SLC44A1: variants seen among roughly 807,000 people sequenced by gnomAD.
SLC44A1 encodes choline transporter-like protein 1.
SLC44A1 carries 26 observed loss-of-function variants against 79.3 expected under a neutral mutation model. That is an observed-to-expected ratio of 0.33 (90% CI 0.24 to 0.46). The LOEUF is 0.46. Ranked by LOEUF, SLC44A1 falls within the 20% of genes least tolerant of loss-of-function variation. The pLI is 1.00. For synonymous variants in SLC44A1, 263 were observed against 286.2 expected (o/e 0.92, Z 0.82); for missense variants, 688 against 798.1 (o/e 0.86, Z 1.66).
intron 5 of SLC44A1, among the ~76,000 whole-genome samples, chr9:105,351,550 A>AAGAAAGAAAGAAAGAG (rs1554797110): frequency 2.0e-5 from 2 of 100,250 alleles, no homozygotes; most frequent in Non-Finnish European, 3.9e-5. Context: ...GAAAGAAAGA[A>AAGAAAGAAAGAAAGAG]AGAAAGAGAG....
intron 2 of SLC44A1, among the ~76,000 whole-genome samples, chr9:105,307,793 T>A (rs1189751814): frequency 6.6e-6 from 1 of 152,244 alleles, no homozygotes; most frequent in Non-Finnish European, 1.5e-5. Context: ...CATGTAAATA[T>A]GCAAATATGT....
intron 12 of SLC44A1, among the ~76,000 whole-genome samples, chr9:105,371,624 C>G (rs1564464238): frequency 6.8e-6 from 1 of 146,928 alleles, no homozygotes; most frequent in East Asian, 2.0e-4. Context: ...GAGGCTGAGG[C>G]AGGAGAATGG....
intron 1 of SLC44A1, among the ~76,000 whole-genome samples, chr9:105,259,631 T>C (rs1454018448): frequency 2.0e-5 from 3 of 152,220 alleles, no homozygotes; most frequent in African/African-American, 7.2e-5. Flanking sequence ...ATTTTGCATG[T>C]GGTTTTGTAT....
rs1033057107 is a variant in SLC44A1, at chr9:105,389,760, C to T, written c.*704C>T. On this transcript the variant is annotated 3_prime_UTR_variant, in exon 16 of 16. Coordinates refer to ENST00000374720, the MANE Select transcript of SLC44A1 (RefSeq NM_080546.5). The stretch of plus-strand genomic sequence containing the variant: ...AAAAAGAAAAGGGTAGATAATCTTT[C>T]GTATGCAAACTTTTCCCTTATATTT... The T allele has an allele frequency of 3.1e-6, 4 of 1,302,374 alleles. No homozygotes were observed. Among genetic ancestry groups the T allele is most frequent in the Non-Finnish European group, 3.9e-6 (4 of 1,020,116 alleles). The allele number at this position is 1,302,374 out of a possible 1,614,324, so 80.7% of individuals were successfully genotyped here.
At chr9:105,341,941 G>A (rs1827105357) in intron 4 of SLC44A1, among the ~76,000 whole-genome samples, 1 of 151,904 alleles carries the variant, frequency 6.6e-6, no homozygotes, top group Non-Finnish European at 1.5e-5. Context: ...CCTCTTGTTT[G>A]TACTCTTTCC....
intron 1 of SLC44A1, among the ~76,000 whole-genome samples, chr9:105,278,108 C>T (rs1264217865): frequency 6.6e-6 from 1 of 151,916 alleles, no homozygotes; most frequent in Non-Finnish European, 1.5e-5. Context: ...GTCACCCAGA[C>T]TGGAGTGCAG....
rs188996837 is a variant in SLC44A1 at position 105,288,631 on chromosome 9, G to A, written c.37-10589G>A. On this transcript the variant is annotated intron_variant, in intron 1 of 15. Coordinates refer to ENST00000374720, the MANE Select transcript of SLC44A1 (RefSeq NM_080546.5). ...CTCAAAGTGCTAGGACTACAGGCAT[G>A]AGCCACCATGCCTGGTCCTATTTTA... Among the ~76,000 whole-genome samples the A allele has an allele frequency of 1.1e-3, 173 of 152,342 alleles. 1 individual carries two copies. Among genetic ancestry groups the A allele is most frequent in the South Asian group, 2.3e-3 (11 of 4,828 alleles).
At chr9:105,247,571 A>G (rs1267087133) in intron 1 of SLC44A1, among the ~76,000 whole-genome samples, 1 of 152,210 alleles carries the variant, frequency 6.6e-6, no homozygotes, top group Non-Finnish European at 1.5e-5. Flanking sequence ...TGCTGGTATT[A>G]CAGACATGAG....
chr9:105,420,934 C>A (rs1207438832), intron 15 of SLC44A1, among the ~76,000 whole-genome samples: 1 of 146,402 alleles, frequency 6.8e-6, no homozygotes, highest in African/African-American at 2.5e-5. Context: ...TGATGTCCTA[C>A]TGAGTTAAGC....
chr9:105,387,346 A>C (rs369191294), intron 15 of SLC44A1, among the ~76,000 whole-genome samples: 8 of 152,226 alleles, frequency 5.3e-5, no homozygotes, highest in African/African-American at 1.9e-4. Context: ...ATAGCTCTGA[A>C]TTTTAAGTTT....
At chr9:105,401,571 AGGAGT>A (rs1402539036), downstream of SLC44A1, among the ~76,000 whole-genome samples, 1 of 152,148 alleles carries the variant, frequency 6.6e-6, no homozygotes, top group Non-Finnish European at 1.5e-5. Context: ...GGTCAGGAGG[AGGAGT>A]GGAGAGGATC....
At chr9:105,289,162 C>A (rs562549476) in intron 1 of SLC44A1, among the ~76,000 whole-genome samples, 27 of 152,268 alleles carry the variant, frequency 1.8e-4, no homozygotes, top group Non-Finnish European at 3.1e-4. Flanking sequence ...TGGTAAGAGA[C>A]CTAGCCTGGT....
At chr9:105,284,081 G>A (rs543568354) in intron 1 of SLC44A1, among the ~76,000 whole-genome samples, 12 of 152,252 alleles carry the variant, frequency 7.9e-5, no homozygotes, top group Admixed American at 5.9e-4. Context: ...AACACAGTTT[G>A]GAAGGACAGT....
intron 15 of SLC44A1, among the ~76,000 whole-genome samples, chr9:105,434,399 A>T (rs181619843): frequency 9.8e-4 from 150 of 152,336 alleles, no homozygotes; most frequent in Non-Finnish European, 1.9e-3. Flanking sequence ...GAGAACAAAA[A>T]AATTTAAAAT....
chr9:105,341,323 G>A (rs111584603), intron 4 of SLC44A1, among the ~76,000 whole-genome samples: 10 of 101,054 alleles, frequency 9.9e-5, no homozygotes, highest in Admixed American at 2.1e-4. Context: ...CAACAAGAAC[G>A]AAACTTCGTC....
chr9:105,345,221 A>G (rs1435171642), intron 4 of SLC44A1, among the ~76,000 whole-genome samples: 1 of 152,218 alleles, frequency 6.6e-6, no homozygotes, highest in Non-Finnish European at 1.5e-5. Context: ...GTAGGAGGTC[A>G]TGAAGGTCTG....
At chr9:105,342,487 T>C (rs954025863) in intron 4 of SLC44A1, among the ~76,000 whole-genome samples, 3 of 152,090 alleles carry the variant, frequency 2.0e-5, no homozygotes, top group Admixed American at 6.5e-5. Flanking sequence ...CTATGTACAT[T>C]GTAGTGGGAG....
intron 5 of SLC44A1, chr9:105,355,934 T>G (rs962318887): frequency 7.5e-5 from 30 of 401,256 alleles, no homozygotes; most frequent in African/African-American, 6.3e-4. Context: ...TGTGTGTATG[T>G]GTGTGTGTGT....
At position 105,383,370 on chromosome 9, in the gene SLC44A1, C is replaced by G; in HGVS notation, c.1869+11C>G. ...GATAAAGTGCTGATGGTAAGTACTT[C>G]AAATGCCGTTTCCTATTTTAGGGAT... is the stretch of plus-strand genomic sequence containing the variant. On this transcript the variant is annotated intron_variant, in intron 14 of 15. Coordinates refer to ENST00000374720, the MANE Select transcript of SLC44A1 (RefSeq NM_080546.5). The G allele has an allele frequency of 1.4e-6, 2 of 1,408,672 alleles. No homozygotes were observed. Among genetic ancestry groups the G allele is most frequent in the Non-Finnish European group, 2.0e-6 (2 of 993,784 alleles). The allele number at this position is 1,408,672 out of a possible 1,614,324, so 87.3% of individuals were successfully genotyped here.
Sources: gnomAD v4.1 joint callset for allele counts (sites outside exome capture counted in the v4.1 genomes callset) on GRCh38, gnomAD v4.1.1 for gene constraint, MANE v1.5 for transcripts, NCBI Gene and HGNC (gene_info 2026-07-23, HGNC 2026-07-21) for gene names.